BECN1: variants seen among roughly 807,000 people sequenced by gnomAD.
The protein encoded by BECN1 is beclin-1.
Under a neutral mutation model 60.1 loss-of-function variants are expected in BECN1, and 15 were observed. The ratio of observed to expected loss-of-function variants is 0.25; its 90% CI spans 0.17 to 0.38. The LOEUF is 0.38. Among genes scored for constraint, BECN1 ranks in the 10% least tolerant of loss-of-function variants. BECN1 has a pLI of 1.00. For synonymous variants in BECN1, 179 were observed against 201.8 expected (o/e 0.89, Z 0.96); for missense variants, 424 against 548.2 (o/e 0.77, Z 2.26).
chr17:42,818,698 T>C lies in BECN1; in HGVS notation c.352-18A>G. ...CCAGTGACCTGGAAGTGTGGGAGAG[T>C]CAGGGTAGGGCCTCCCCCATGCTTC... On this transcript the variant is annotated intron_variant, in intron 5 of 11. Transcript: ENST00000590099. The C allele has an allele frequency of 6.2e-7, 1 of 1,613,550 alleles. No individual in the cohort carries two copies. Among genetic ancestry groups the C allele is most frequent in the South Asian group, 1.1e-5 (1 of 91,044 alleles).
chr17:42,823,691 C>T, intron 2 of BECN1, 57 bp downstream of exon 2: 1 of 1,589,552 alleles, frequency 6.3e-7, no homozygotes, highest in Non-Finnish European at 8.6e-7. Flanking sequence ...AATTATATCA[C>T]CAAAGCTGCC....
rs1859403399 is a variant in BECN1, at chr17:42,811,778, G to C, written c.1061C>G (p.Ser354Cys). The change falls in exon 11 of 12, where the codon TCT becomes TGT. Residue 354 changes from serine (S) to cysteine (C), a missense_variant. Transcript: ENST00000590099. ...GTCCCAGAAAAACCGCAACCCCCCAGAACAGTATAACGGCAGCTCCTGCCC... is the reference window on the plus strand; with the variant it reads ...GTCCCAGAAAAACCGCAACCCCCCACAACAGTATAACGGCAGCTCCTGCCC... ...DKSKELPLYCSGGLRFFWDNK... is the reference protein window; with the variant it reads ...DKSKELPLYCCGGLRFFWDNK... The C allele has an allele frequency of 6.2e-7, 1 of 1,613,940 alleles. No homozygotes were observed. The highest frequency in any genetic ancestry group is 1.3e-5 in the African/African-American group (1 of 74,920).
rs149327456 is a variant in BECN1, at chr17:42,823,776, C to T, written c.102G>A (p.Leu34=). Residue 34 remains leucine, a synonymous_variant, in exon 2 of 12, where the codon CTG becomes CTA. Coordinates refer to ENST00000590099, the MANE Select transcript of BECN1 (RefSeq NM_001313998.2). ...PLKLDTSFKI[L]DRVTIQELTA... ...TGAGTTCCTGGATGGTGACACGGTCCAGGATCTTGAAACTCGTGTCCAGTT... is the reference window on the plus strand; with the variant it reads ...TGAGTTCCTGGATGGTGACACGGTCTAGGATCTTGAAACTCGTGTCCAGTT... The T allele has an allele frequency of 1.9e-6, 3 of 1,614,070 alleles. No individual in the cohort carries two copies. The highest frequency in any genetic ancestry group is 2.5e-6 in the Non-Finnish European group (3 of 1,179,994).
intron 10 of BECN1, 58 bp from the exon 11 acceptor site, chr17:42,811,855 T>C: frequency 6.3e-7 from 1 of 1,576,986 alleles, no homozygotes; most frequent in Non-Finnish European, 8.6e-7. Flanking sequence ...TTCCAGAGAT[T>C]GTTCCCAATC....
chr17:42,822,148 A>G (rs192474301), intron 2 of BECN1, among the ~76,000 whole-genome samples: 22 of 152,318 alleles, frequency 1.4e-4, no homozygotes, highest in Middle Eastern at 3.4e-3. Flanking sequence ...GGTTGCAGTG[A>G]GCCGAGATCG....
intron 3 of BECN1, 81 bp downstream of exon 3, chr17:42,820,693 T>A: frequency 7.1e-7 from 1 of 1,416,312 alleles, no homozygotes; most frequent in Non-Finnish European, 9.7e-7. Context: ...AAACCAAGCC[T>A]GCATTCCTGT....
At chr17:42,811,045 G>A (rs2054990902) in intron 11 of BECN1, 117 bp from the exon 12 acceptor site, 5 of 1,102,490 alleles carry the variant, frequency 4.5e-6, no homozygotes, top group African/African-American at 1.6e-5. Flanking sequence ...AACACTTGGT[G>A]AGGAATGATA....
At position 42,824,278 on chromosome 17, in the gene BECN1, C is replaced by A; in HGVS notation, c.-126G>T. 1 of 399,654 alleles carries A rather than the reference C, an allele frequency of 2.5e-6. No homozygotes were observed. Among genetic ancestry groups the A allele is most frequent in the East Asian group, 3.6e-5 (1 of 28,148 alleles). 24.8% of individuals were successfully genotyped at this position (399,654 alleles called of 1,614,324 possible). A position where few individuals can be genotyped will look rare whatever the true frequency, so the allele number is the denominator to read the frequency against. ...CTGTCTTCAGCGACTTCCCGGTAGC[C>A]GCCGGAAAACTTCCGCCCGAGACCG... On this transcript the variant is annotated 5_prime_UTR_variant, in exon 1 of 12. Coordinates refer to ENST00000590099, the MANE Select transcript of BECN1 (RefSeq NM_001313998.2).
chr17:42,823,755 T>C lies in BECN1; in HGVS notation c.123A>G (p.Glu41=), dbSNP rs778432971. The C allele has an allele frequency of 1.9e-6, 3 of 1,613,906 alleles. No homozygotes were observed. Among genetic ancestry groups the C allele is most frequent in the South Asian group, 1.1e-5 (1 of 91,064 alleles). Residue 41 remains glutamate (E), a synonymous_variant, in exon 2 of 12, where the codon GAA becomes GAG. Coordinates refer to ENST00000590099, the MANE Select transcript of BECN1 (RefSeq NM_001313998.2). Reference sequence around the variant, plus strand: ...TCCAAGGGTCTCGCTGACCTGTGAGTTCCTGGATGGTGACACGGTCCAGGA... The same window carrying C: ...TCCAAGGGTCTCGCTGACCTGTGAGCTCCTGGATGGTGACACGGTCCAGGA... ...FKILDRVTIQ[E]LTAPLLTTAQ...
intron 2 of BECN1, 156 bp downstream of exon 2, chr17:42,823,592 T>C (rs181553383): frequency 3.1e-5 from 35 of 1,131,080 alleles, no homozygotes; most frequent in Admixed American, 2.5e-4. Context: ...GAATGCTTTA[T>C]GTTTCCAAGG....
chr17:42,818,252 C>T lies in BECN1; in HGVS notation c.652G>A (p.Glu218Lys). Reference sequence around the variant, plus strand: ...TCCTCCTGATCCAGTCTCTCAGCCTCAGCCTGGACCTTCTCGAGATTTTCT... The same window carrying T: ...TCCTCCTGATCCAGTCTCTCAGCCTTAGCCTGGACCTTCTCGAGATTTTCT... ...VAENLEKVQA[E>K]AERLDQEEAQ... is the part of the protein sequence containing the mutation. Residue 218 changes from glutamate (E) to lysine (K), a missense_variant, in exon 7 of 12, where the codon GAG (glutamate) becomes AAG (lysine). Physicochemically the swap from Glu to Lys is moderately conservative, Grantham distance 56. Coordinates refer to ENST00000590099, the MANE Select transcript of BECN1 (RefSeq NM_001313998.2). 6.2e-7 allele frequency: 1 copy of T among 1,614,216 alleles called. No homozygotes were observed. The highest frequency in any genetic ancestry group is 8.5e-7 in the Non-Finnish European group (1 of 1,180,026).
chr17:42,821,912 T>G (rs1382768776), intron 2 of BECN1, among the ~76,000 whole-genome samples: 1 of 152,148 alleles, frequency 6.6e-6, no homozygotes, highest in African/African-American at 2.4e-5. Context: ...CAAAAATTGT[T>G]ATTAAAAGAG....
chr17:42,818,299 T>C lies in BECN1; in HGVS notation c.605A>G (p.Glu202Gly). 1 of 1,614,232 alleles carries C rather than the reference T, an allele frequency of 6.2e-7. No homozygotes were observed. Among genetic ancestry groups the C allele is most frequent in the Non-Finnish European group, 8.5e-7 (1 of 1,180,034 alleles). The change falls in exon 7 of 12, where the codon GAA becomes GGA. Residue 202 changes from glutamate (E) to glycine (G), a missense_variant. Physicochemically the swap from Glu to Gly is moderately conservative, Grantham distance 98 (BLOSUM62 -2). Around this residue, in one of 3 missense-constraint regions of BECN1, gnomAD observed 326 missense variants for 406.2 expected, o/e 0.80. Coordinates refer to ENST00000590099, the MANE Select transcript of BECN1 (RefSeq NM_001313998.2). The stretch of plus-strand genomic sequence containing the variant: ...TTCTGCCACTATCTTGCGGTTCTTT[T>C]CCACGTCTTCCAGCTCCTGGATCAG... ...ERLIQELEDV[E>G]KNRKIVAENL...
chr17:42,811,542 GC>G, intron 11 of BECN1, 112 bp downstream of exon 11: 1 of 1,384,022 alleles, frequency 7.2e-7, no homozygotes, highest in Non-Finnish European at 9.9e-7. Context: ...GTGATTCTGT[GC>G]CATTTTTTTG....
chr17:42,822,130 G>A (rs1343426601), intron 2 of BECN1, among the ~76,000 whole-genome samples: 2 of 152,142 alleles, frequency 1.3e-5, no homozygotes, highest in Admixed American at 6.5e-5. Flanking sequence ...TTGAACCCGG[G>A]AGGCAGAGGT....
At chr17:42,819,172 T>C in intron 4 of BECN1, 1 of 481,946 alleles carries the variant, frequency 2.1e-6, no homozygotes. Flanking sequence ...AAGGCCATTT[T>C]AGAAAATATT....
Position 42,814,987 on chromosome 17 carries a change from T to C in BECN1, c.831-314A>G, listed in dbSNP as rs150533990. Reference sequence around the variant, plus strand: ...CTTTTCTCCAAATTCAATGCTACTATTCTTTTCCTTTAGATTCCTACTGAT... The same window carrying C: ...CTTTTCTCCAAATTCAATGCTACTACTCTTTTCCTTTAGATTCCTACTGAT... On this transcript the variant is annotated intron_variant, in intron 8 of 11. Coordinates refer to ENST00000590099, the MANE Select transcript of BECN1 (RefSeq NM_001313998.2). 1.4e-3 allele frequency: 485 copies of C among 352,594 alleles called. 1 individual carries two copies. Among genetic ancestry groups the C allele is most frequent in the African/African-American group, 9.2e-3 (439 of 47,488 alleles). 21.8% of individuals were successfully genotyped at this position (352,594 alleles called of 1,614,324 possible).
At chr17:42,814,808 T>C in intron 8 of BECN1, 135 bp from the exon 9 acceptor site, 2 of 1,122,746 alleles carry the variant, frequency 1.8e-6, no homozygotes, top group Non-Finnish European at 2.5e-6. Context: ...GCACTTTAAA[T>C]ACATGTCCAA....
At position 42,819,628 on chromosome 17, in the gene BECN1, G is replaced by A. The variant is rs1179760337; in HGVS notation, c.199-19C>T. On this transcript the variant is annotated intron_variant, in intron 3 of 11. Transcript: ENST00000590099. ...ATGGCTCCTGGGAAAGAAATAAGAG[G>A]GCATTACAACTCTGGCAGCTTAGAG... 3.1e-6 allele frequency: 5 copies of A among 1,611,788 alleles called. No individual in the cohort carries two copies. Among genetic ancestry groups the A allele is most frequent in the African/African-American group, 1.3e-5 (1 of 74,840 alleles).
Sources: gnomAD v4.1 joint callset for allele counts (sites outside exome capture counted in the v4.1 genomes callset) on GRCh38, gnomAD v4.1.1 for gene constraint, gnomAD v4.1.1 regional missense constraint, MANE v1.5 for transcripts, NCBI Gene and HGNC (gene_info 2026-07-23, HGNC 2026-07-21) for gene names.